The following ATXN7L1 variants were observed in gnomAD, a reference collection of about 807,000 sequenced individuals.
ATXN7L1 encodes ataxin-7-like protein 1.
ATXN7L1 carries 15 observed loss-of-function variants against 70.8 expected under a neutral mutation model. The observed-to-expected ratio is 0.21, with a 90% confidence interval of 0.14 to 0.33. ATXN7L1 has a LOEUF of 0.33. ATXN7L1 is among the 10% of genes least tolerant of loss of function. ATXN7L1 has a pLI of 1.00. For synonymous variants in ATXN7L1, 440 were observed against 445.1 expected (o/e 0.99, Z 0.14); for missense variants, 975 against 1,097.1 (o/e 0.89, Z 1.57).
At chr7:105,823,125 T>C (rs1267354797) in intron 2 of ATXN7L1, among the ~76,000 whole-genome samples, 1 of 152,084 alleles carries the variant, frequency 6.6e-6, no homozygotes, top group Non-Finnish European at 1.5e-5. Context: ...TAGTTACTTT[T>C]GGTCAGGAAC....
chr7:105,871,380 C>T (rs1041050305), intron 2 of ATXN7L1, among the ~76,000 whole-genome samples: 5 of 152,168 alleles, frequency 3.3e-5, no homozygotes, highest in Admixed American at 2.0e-4. Context: ...ACCCATGGAT[C>T]TAGCAACGCC....
chr7:105,840,337 G>A (rs1449742692), intron 2 of ATXN7L1, among the ~76,000 whole-genome samples: 2 of 152,186 alleles, frequency 1.3e-5, no homozygotes, highest in Non-Finnish European at 2.9e-5. Flanking sequence ...CCTAGAGAAC[G>A]GGGGCTTGGA....
At chr7:105,637,197 C>G (rs1292370580) in intron 7 of ATXN7L1, among the ~76,000 whole-genome samples, 1 of 152,212 alleles carries the variant, frequency 6.6e-6, no homozygotes, top group East Asian at 1.9e-4. Flanking sequence ...GCCATAATGA[C>G]AGAGGGACTC....
chr7:105,785,434 A>G (rs989460337), intron 3 of ATXN7L1, among the ~76,000 whole-genome samples: 4 of 152,128 alleles, frequency 2.6e-5, no homozygotes, highest in African/African-American at 9.7e-5. Context: ...CCACTGCACT[A>G]CAGTCTGGAT....
chr7:105,674,910 T>C (rs1395640298), intron 3 of ATXN7L1, among the ~76,000 whole-genome samples: 2 of 152,094 alleles, frequency 1.3e-5, no homozygotes, highest in Non-Finnish European at 2.9e-5. Context: ...ACACCTAGAC[T>C]AGCTAAAAGG....
rs371411874 is a variant in ATXN7L1, at chr7:105,692,426, C to CT, written c.356-27139dup. 7.4e-3 allele frequency among the ~76,000 whole-genome samples: 735 copies of CT among 99,096 alleles called. 3 individuals carry two copies. The highest frequency in any genetic ancestry group is 0.016 in the Middle Eastern group (3 of 186). 65.0% of individuals were successfully genotyped at this position (99,096 alleles called of 152,430 possible). ...CCTTCCTTCCTTCCTTCCTTCCTTC[C>CT]TCCCTCCCTCCCTCCCTCCCTTCCT... On this transcript the variant is annotated intron_variant, in intron 3 of 11. Coordinates refer to ENST00000419735, the MANE Select transcript of ATXN7L1 (RefSeq NM_020725.2).
At chr7:105,638,209 T>C in intron 7 of ATXN7L1, 144 bp downstream of exon 7, 2 of 1,173,126 alleles carry the variant, frequency 1.7e-6, no homozygotes, top group Non-Finnish European at 2.3e-6. Flanking sequence ...ATGTACATTA[T>C]CTCATTTAAA....
chr7:105,654,580 C>T (rs145115476), intron 4 of ATXN7L1, among the ~76,000 whole-genome samples: 20 of 152,346 alleles, frequency 1.3e-4, no homozygotes, highest in East Asian at 3.9e-4. Context: ...CTCAGCCCAT[C>T]GCTTCATCTC....
At chr7:105,654,765 G>A (rs1800364108) in intron 4 of ATXN7L1, among the ~76,000 whole-genome samples, 1 of 151,014 alleles carries the variant, frequency 6.6e-6, no homozygotes, top group Non-Finnish European at 1.5e-5. Flanking sequence ...TTTTGAGACG[G>A]AGTCTTGCTC....
chr7:105,679,117 G>A, intron 3 of ATXN7L1: 6 of 986,100 alleles, frequency 6.1e-6, no homozygotes, highest in Non-Finnish European at 7.2e-6. Flanking sequence ...AACGCGACTC[G>A]TGGTAGTAGA....
chr7:105,707,287 G>A (rs953140120), intron 3 of ATXN7L1, among the ~76,000 whole-genome samples: 7 of 152,236 alleles, frequency 4.6e-5, no homozygotes, highest in Non-Finnish European at 8.8e-5. Context: ...GAGCCAGTTG[G>A]ACCAAGGCTT....
At chr7:105,663,505 G>A (rs573801783) in intron 4 of ATXN7L1, among the ~76,000 whole-genome samples, 3 of 152,294 alleles carry the variant, frequency 2.0e-5, no homozygotes, top group African/African-American at 7.2e-5. Flanking sequence ...TCAATTAATG[G>A]AACACTTTTT....
chr7:105,796,656 G>A (rs1416940907), intron 2 of ATXN7L1, among the ~76,000 whole-genome samples: 1 of 152,138 alleles, frequency 6.6e-6, no homozygotes, highest in Non-Finnish European at 1.5e-5. Context: ...ACATAGAATG[G>A]CTGGTCCTAA....
chr7:105,649,985 C>T (rs1799608686), intron 4 of ATXN7L1, among the ~76,000 whole-genome samples: 1 of 152,180 alleles, frequency 6.6e-6, no homozygotes, highest in Non-Finnish European at 1.5e-5. Flanking sequence ...CTCTTGGCTT[C>T]CAAGCAGTGA....
chr7:105,793,267 G>A (rs1220729936), intron 2 of ATXN7L1, among the ~76,000 whole-genome samples: 2 of 152,234 alleles, frequency 1.3e-5, no homozygotes, highest in African/African-American at 4.8e-5. Flanking sequence ...TCATTGCTGA[G>A]CCTTTCCTAG....
chr7:105,636,135 C>A (rs1269086792), intron 7 of ATXN7L1, among the ~76,000 whole-genome samples: 3 of 152,162 alleles, frequency 2.0e-5, no homozygotes, highest in African/African-American at 7.2e-5. Flanking sequence ...TGGCTCATGC[C>A]TGTAATGTCA....
chr7:105,629,375 G>C (rs960985363), intron 7 of ATXN7L1, among the ~76,000 whole-genome samples: 34 of 151,592 alleles, frequency 2.2e-4, no homozygotes, highest in Middle Eastern at 3.2e-3. Flanking sequence ...GTCATTCTCT[G>C]TCTGATTTCA....
intron 5 of ATXN7L1, among the ~76,000 whole-genome samples, chr7:105,641,421 G>A (rs1288832369): frequency 6.6e-6 from 1 of 151,792 alleles, no homozygotes; most frequent in Non-Finnish European, 1.5e-5. Flanking sequence ...TTGGCTGAGG[G>A]TAGGAGCTGG....
chr7:105,874,062 T>C (rs1585209964), intron 2 of ATXN7L1, among the ~76,000 whole-genome samples: 1 of 149,234 alleles, frequency 6.7e-6, no homozygotes, highest in African/African-American at 2.5e-5. Context: ...GAGGCGGAGG[T>C]TGCAGTGAGC....
Sources: allele counts gnomAD v4.1 joint callset (sites outside exome capture counted in the v4.1 genomes callset), GRCh38; gene constraint gnomAD v4.1.1; transcripts MANE v1.5; gene names NCBI Gene and HGNC (gene_info 2026-07-23, HGNC 2026-07-21).